Variants in COXFA4L3 observed in about 807,000 individuals in gnomAD.
COXFA4L3 encodes the protein cytochrome c oxidase associated subunit FA4L3.
chr15:45,432,079 C>T, the COXFA4L3 span: 10 of 1,609,948 alleles, frequency 6.2e-6, no homozygotes, highest in East Asian at 2.2e-5. Context: ...TAGCCTTGAT[C>T]GAAAAAAAAA....
the COXFA4L3 span, chr15:45,433,047 C>A: frequency 6.3e-7 from 1 of 1,578,402 alleles, no homozygotes; most frequent in Non-Finnish European, 8.7e-7. Flanking sequence ...CTGAAGAGTA[C>A]TCTATAAATC....
the COXFA4L3 span, among the ~76,000 whole-genome samples, chr15:45,431,596 T>G: frequency 6.6e-6 from 1 of 152,128 alleles, no homozygotes; most frequent in Non-Finnish European, 1.5e-5. Context: ...AACAAAAACA[T>G]GTATCCTGGA....
the COXFA4L3 span, chr15:45,430,798 T>G: frequency 6.2e-7 from 1 of 1,612,120 alleles, no homozygotes; most frequent in South Asian, 1.1e-5. Flanking sequence ...GAAGTCATCA[T>G]GAGCTTTTTC....
chr15:45,432,801 C>T, the COXFA4L3 span: 2 of 638,430 alleles, frequency 3.1e-6, no homozygotes, highest in Admixed American at 2.9e-5. Flanking sequence ...CTATTTTGTG[C>T]ATGTTTTAGA....
At chr15:45,431,520 G>A in the COXFA4L3 span, among the ~76,000 whole-genome samples, 1 of 151,818 alleles carries the variant, frequency 6.6e-6, no homozygotes. Context: ...TACTAATGTG[G>A]TAGAATTGAT....
chr15:45,432,877 GA>G, the COXFA4L3 span: 1 of 1,334,876 alleles, frequency 7.5e-7, no homozygotes. Flanking sequence ...GGACAAATCC[GA>G]AAGAGGGACA....
At chr15:45,430,833 G>T in the COXFA4L3 span, 4 of 1,594,340 alleles carry the variant, frequency 2.5e-6, no homozygotes, top group Non-Finnish European at 3.4e-6. Flanking sequence ...AAGGAAGGAA[G>T]TAAGTTTTAA....
chr15:45,430,696 C>A, the COXFA4L3 span: 1 of 1,139,358 alleles, frequency 8.8e-7, no homozygotes, highest in Non-Finnish European at 1.3e-6. Flanking sequence ...CGCCGGCCCG[C>A]AGTTGGCCTG....
the COXFA4L3 span, chr15:45,431,948 G>A: frequency 3.9e-6 from 3 of 759,648 alleles, no homozygotes; most frequent in East Asian, 2.7e-5. Context: ...GATGGTTCCT[G>A]ATCATTAGCA....
chr15:45,432,888 A>G, the COXFA4L3 span: 1 of 1,438,864 alleles, frequency 6.9e-7, no homozygotes, highest in Non-Finnish European at 9.6e-7. Context: ...AAAGAGGGAC[A>G]TGCAAATGAA....
the COXFA4L3 span, chr15:45,430,668 T>A: frequency 3.7e-6 from 3 of 802,464 alleles, no homozygotes; most frequent in African/African-American, 1.7e-5. Flanking sequence ...GAGTCTCCCA[T>A]CTGCAGAGAC....
the COXFA4L3 span, among the ~76,000 whole-genome samples, chr15:45,432,341 A>G: frequency 2.0e-5 from 3 of 152,194 alleles, no homozygotes; most frequent in Admixed American, 6.5e-5. Flanking sequence ...TTTTGGAACT[A>G]TGGCTCACAT....
the COXFA4L3 span, chr15:45,430,656 G>C: frequency 2.8e-6 from 2 of 718,060 alleles, no homozygotes; most frequent in Non-Finnish European, 4.7e-6. Flanking sequence ...CGGCGTCCAG[G>C]TGAGTCTCCC....
At chr15:45,431,498 T>G in the COXFA4L3 span, among the ~76,000 whole-genome samples, 3 of 152,214 alleles carry the variant, frequency 2.0e-5, no homozygotes, top group Non-Finnish European at 4.4e-5. Flanking sequence ...AAATTTTAGC[T>G]TATTAGATTT....
chr15:45,432,867 G>A, the COXFA4L3 span: 1 of 1,184,168 alleles, frequency 8.4e-7, no homozygotes, highest in Non-Finnish European at 1.2e-6. Flanking sequence ...AGGGGAGTGT[G>A]GACAAATCCG....
the COXFA4L3 span, among the ~76,000 whole-genome samples, chr15:45,432,663 A>T: frequency 4.6e-5 from 7 of 151,742 alleles, no homozygotes; most frequent in African/African-American, 1.5e-4. Flanking sequence ...AGACTGTCTT[A>T]AAAAAAAATC....
At chr15:45,430,934 T>A in the COXFA4L3 span, 14 of 1,567,376 alleles carry the variant, frequency 8.9e-6, no homozygotes, top group African/African-American at 9.5e-5. Flanking sequence ...ATACAGTTGT[T>A]TTGCTGTGTT....
chr15:45,431,938 G>A, the COXFA4L3 span: 9 of 707,778 alleles, frequency 1.3e-5, no homozygotes, highest in African/African-American at 1.6e-4. Flanking sequence ...AGTTGCTACT[G>A]ATGGTTCCTG....
At chr15:45,431,024 G>C in the COXFA4L3 span, 1 of 1,614,164 alleles carries the variant, frequency 6.2e-7, no homozygotes. Context: ...TGGTGTTCAT[G>C]ACTGTGGCGG....
Sources: gnomAD v4.1 joint callset for allele counts (sites outside exome capture counted in the v4.1 genomes callset) on GRCh38, gnomAD v4.1.1 for gene constraint, MANE v1.5 for transcripts, NCBI Gene and HGNC (gene_info 2026-07-23, HGNC 2026-07-21) for gene names.